The following DSCAM variants were observed in gnomAD, a reference collection of about 807,000 sequenced individuals.
The protein encoded by DSCAM is DS cell adhesion molecule, also known as cell adhesion molecule DSCAM.
DSCAM carries 47 observed loss-of-function variants against 217.7 expected under a neutral mutation model. That is an observed-to-expected ratio of 0.22 (90% CI 0.17 to 0.28). The LOEUF is 0.28. DSCAM is among the 10% of genes least tolerant of loss of function. The pLI, the probability that DSCAM is intolerant of heterozygous loss-of-function variation, is 1.00. For missense variants in DSCAM, 2,080 were observed against 2,618.3 expected, an observed-to-expected ratio of 0.79 and a Z score of 4.49; for synonymous variants, 1,056 against 1,015.3, an observed-to-expected ratio of 1.04 and a Z score of -0.76.
chr21:40,588,582 A>G (rs2076962718), intron 3 of DSCAM, among the ~76,000 whole-genome samples: 1 of 152,202 alleles, frequency 6.6e-6, no homozygotes, highest in East Asian at 1.9e-4. Context: ...TTGTTTTACT[A>G]TAGATTCATA....
chr21:40,689,110 C>T (rs1414478931), intron 3 of DSCAM, among the ~76,000 whole-genome samples: 1 of 152,208 alleles, frequency 6.6e-6, no homozygotes, highest in Non-Finnish European at 1.5e-5. Context: ...ATAAACTACT[C>T]ATTTGTTTTC....
intron 19 of DSCAM, among the ~76,000 whole-genome samples, chr21:40,127,253 A>G (rs566666282): frequency 1.3e-5 from 2 of 152,338 alleles, no homozygotes; most frequent in African/African-American, 4.8e-5. Context: ...ATGTCACTAA[A>G]TGATACTAGC....
Position 40,377,848 on chromosome 21 carries a change from T to C in DSCAM, c.509-8603A>G, listed in dbSNP as rs185616887. Among the ~76,000 whole-genome samples the C allele has an allele frequency of 2.6e-3, 399 of 152,242 alleles. 4 individuals are homozygous for C. Among genetic ancestry groups the C allele is most frequent in the African/African-American group, 9.0e-3 (372 of 41,542 alleles). On this transcript the variant is annotated intron_variant, in intron 3 of 32. Transcript: ENST00000400454. Reference sequence around the variant, plus strand: ...AAAGGATGCTGCAAAGGGCCTCAGCTCCCTGCCTTCCTATTGCCATAGCCT... The same window carrying C: ...AAAGGATGCTGCAAAGGGCCTCAGCCCCCTGCCTTCCTATTGCCATAGCCT...
chr21:40,070,596 T>G (rs938846938), intron 27 of DSCAM, among the ~76,000 whole-genome samples: 3 of 152,150 alleles, frequency 2.0e-5, no homozygotes, highest in Non-Finnish European at 2.9e-5. Context: ...CAGGGTGGCT[T>G]TATGCATTAG....
chr21:40,565,356 G>A (rs1016615705), intron 3 of DSCAM, among the ~76,000 whole-genome samples: 2 of 152,160 alleles, frequency 1.3e-5, no homozygotes, highest in African/African-American at 4.8e-5. Context: ...ACTCTCAGGG[G>A]TCAGGGTAGG....
Position 40,603,992 on chromosome 21 carries a change from A to G in DSCAM, c.508+88818T>C, listed in dbSNP as rs73902701. 1.1e-3 allele frequency among the ~76,000 whole-genome samples: 166 copies of G among 145,352 alleles called. 1 individual carries two copies. Among genetic ancestry groups the G allele is most frequent in the African/African-American group, 3.7e-3 (147 of 39,380 alleles). On this transcript the variant is annotated intron_variant, in intron 3 of 32. Coordinates refer to ENST00000400454, the MANE Select transcript of DSCAM (RefSeq NM_001389.5). ...TTTAGTGTCTATCATTAATTTTGGA[A>G]AGCTGTCAGCTATTGTTATTTCAAA...
chr21:40,425,443 T>A (rs991417447), intron 3 of DSCAM, among the ~76,000 whole-genome samples: 2 of 152,062 alleles, frequency 1.3e-5, no homozygotes, highest in African/African-American at 4.8e-5. Context: ...ACCTGGCGCA[T>A]GTATACATAT....
intron 15 of DSCAM, among the ~76,000 whole-genome samples, chr21:40,173,401 C>T (rs2146788283): frequency 6.6e-6 from 1 of 152,196 alleles, no homozygotes; most frequent in Non-Finnish European, 1.5e-5. Flanking sequence ...CAGGGGTATA[C>T]ACAATGTGTA....
intron 10 of DSCAM, among the ~76,000 whole-genome samples, chr21:40,280,476 A>G (rs28435934): frequency 6.6e-6 from 1 of 152,174 alleles, no homozygotes; most frequent in Non-Finnish European, 1.5e-5. Context: ...GGCACGAGCC[A>G]TTGTTCTTGG....
At chr21:40,242,447 T>G (rs1246049783) in intron 11 of DSCAM, among the ~76,000 whole-genome samples, 1 of 152,166 alleles carries the variant, frequency 6.6e-6, no homozygotes, top group East Asian at 1.9e-4. Context: ...TCAGCAGAAG[T>G]GCCATATGTG....
intron 1 of DSCAM, among the ~76,000 whole-genome samples, chr21:40,748,885 CA>C (rs2091200305): frequency 6.6e-6 from 1 of 152,066 alleles, no homozygotes; most frequent in Non-Finnish European, 1.5e-5. Flanking sequence ...AAAACAGATA[CA>C]TTGATGAATG....
intron 19 of DSCAM, among the ~76,000 whole-genome samples, chr21:40,133,168 C>T (rs2090171401): frequency 6.6e-6 from 1 of 152,196 alleles, no homozygotes; most frequent in Non-Finnish European, 1.5e-5. Flanking sequence ...CTTATCTGTT[C>T]CTTAAACAGG....
At chr21:40,625,892 G>T (rs1378197130) in intron 3 of DSCAM, among the ~76,000 whole-genome samples, 5 of 152,010 alleles carry the variant, frequency 3.3e-5, no homozygotes, top group African/African-American at 4.8e-5. Context: ...CTCCTCTCGG[G>T]AAATGGGAAA....
intron 11 of DSCAM, among the ~76,000 whole-genome samples, chr21:40,210,926 T>A (rs1391647858): frequency 2.0e-5 from 3 of 152,170 alleles, no homozygotes; most frequent in African/African-American, 7.2e-5. Context: ...TTTAACTTTA[T>A]CCCATTACAG....
intron 3 of DSCAM, among the ~76,000 whole-genome samples, chr21:40,514,658 CT>C (rs2076286224): frequency 6.6e-6 from 1 of 152,022 alleles, no homozygotes. Flanking sequence ...GATTTTTTTT[CT>C]TTATGGGGCA....
chr21:40,207,486 T>G (rs1197041356), intron 11 of DSCAM, among the ~76,000 whole-genome samples: 1 of 152,218 alleles, frequency 6.6e-6, no homozygotes, highest in Non-Finnish European at 1.5e-5. Flanking sequence ...CCTTTTCTTG[T>G]ATTTTATCCT....
At chr21:40,419,772 G>A (rs1204698654) in intron 3 of DSCAM, among the ~76,000 whole-genome samples, 1 of 152,124 alleles carries the variant, frequency 6.6e-6, no homozygotes, top group Non-Finnish European at 1.5e-5. Flanking sequence ...ATCATTGTCA[G>A]CATCATCATC....
chr21:40,635,521 G>C (rs1351423916), intron 3 of DSCAM, among the ~76,000 whole-genome samples: 3 of 152,208 alleles, frequency 2.0e-5, no homozygotes, highest in Admixed American at 6.5e-5. Context: ...CACAGGCCTG[G>C]AGAGCAAGCT....
At chr21:40,216,283 A>AT (rs1299087764) in intron 11 of DSCAM, among the ~76,000 whole-genome samples, 94 of 149,582 alleles carry the variant, frequency 6.3e-4, no homozygotes, top group Non-Finnish European at 7.9e-4. Flanking sequence ...TAAAAAAAAA[A>AT]TTTTTTTTTT....
Sources: gnomAD v4.1 joint callset for allele counts (sites outside exome capture counted in the v4.1 genomes callset) on GRCh38, gnomAD v4.1.1 for gene constraint, MANE v1.5 for transcripts, NCBI Gene and HGNC (gene_info 2026-07-23, HGNC 2026-07-21) for gene names.